CLCN3: variants seen among roughly 807,000 people sequenced by gnomAD.
The protein encoded by CLCN3 is Cl-/H+ antiporter 3, also known as H(+)/Cl(-) exchange transporter 3.
In CLCN3, 16 loss-of-function variants were observed where a neutral mutation model predicts 83.4. That is an observed-to-expected ratio of 0.19 (90% CI 0.13 to 0.29). CLCN3 has a LOEUF of 0.29. Ranked by LOEUF, CLCN3 falls within the 10% of genes least tolerant of loss-of-function variation. The probability of loss-of-function intolerance (pLI) is 1.00; values close to 1 mark genes in which losing one functional copy is unlikely to be tolerated. For missense variants in CLCN3, 544 were observed against 1,006.0 expected, an observed-to-expected ratio of 0.54 and a Z score of 6.21; for synonymous variants, 322 against 346.2, an observed-to-expected ratio of 0.93 and a Z score of 0.78.
chr4:169,630,985 T>C (rs1320397906), intron 1 of CLCN3, among the ~76,000 whole-genome samples: 2 of 152,328 alleles, frequency 1.3e-5, no homozygotes, highest in Non-Finnish European at 2.9e-5. Context: ...AGTAATGGCA[T>C]TGCTGGGTCA....
chr4:169,701,046 G>A (rs1186517879), intron 9 of CLCN3, among the ~76,000 whole-genome samples: 1 of 125,416 alleles, frequency 8.0e-6, no homozygotes, highest in Non-Finnish European at 1.7e-5. Context: ...AGATTTCTCT[G>A]TAGCATGTGA....
chr4:169,654,942 A>T (rs1009698102), intron 2 of CLCN3, among the ~76,000 whole-genome samples: 15 of 152,152 alleles, frequency 9.9e-5, no homozygotes, highest in South Asian at 2.1e-4. Flanking sequence ...TATTTTAAAA[A>T]TTTTCACTGT....
chr4:169,687,739 C>CT lies in CLCN3; in HGVS notation c.401dup (p.Thr135AsnfsTer21). 6.3e-7 allele frequency: 1 copy of CT among 1,585,888 alleles called. No individual in the cohort carries two copies. The highest frequency in any genetic ancestry group is 8.6e-7 in the Non-Finnish European group (1 of 1,163,978). On this transcript the variant is annotated frameshift_variant, in exon 4 of 13. Transcript: ENST00000513761. LOFTEE classifies it high-confidence loss of function. Reference sequence around the variant, plus strand: ...GTGGTCAGGATGGCTAGTAGTAACACTAACAGGATTGGCATCAGGTAAAGA... The same window carrying CT: ...GTGGTCAGGATGGCTAGTAGTAACACTTAACAGGATTGGCATCAGGTAAAGA...
chr4:169,704,524 T>A (rs2150264220), intron 10 of CLCN3, among the ~76,000 whole-genome samples: 1 of 152,340 alleles, frequency 6.6e-6, no homozygotes, highest in Non-Finnish European at 1.5e-5. Flanking sequence ...GATCTTGGCT[T>A]ACCTATAACA....
chr4:169,692,801 G>A (rs1732420186), intron 7 of CLCN3, among the ~76,000 whole-genome samples: 2 of 152,208 alleles, frequency 1.3e-5, no homozygotes, highest in Admixed American at 6.5e-5. Context: ...AGCTCTTGAA[G>A]TTTAAATCAG....
At chr4:169,679,018 G>A (rs13147866) in intron 2 of CLCN3, among the ~76,000 whole-genome samples, 1 of 151,576 alleles carries the variant, frequency 6.6e-6, no homozygotes, top group African/African-American at 2.4e-5. Context: ...CCTCCCAGAC[G>A]GGGCGGCTGC....
chr4:169,688,948 G>C, intron 4 of CLCN3, 95 bp from the exon 5 acceptor site: 2 of 934,008 alleles, frequency 2.1e-6, no homozygotes, highest in South Asian at 3.2e-5. Flanking sequence ...CTTTATTTAG[G>C]AGTCTCCTGC....
In CLCN3 at chr4:169,687,738, A is replaced by C; in HGVS notation, c.399A>C (p.Thr133=). The change falls in exon 4 of 13, where the codon ACA becomes ACC. Residue 133 remains threonine (T), a synonymous_variant. Coordinates refer to ENST00000513761, the MANE Select transcript of CLCN3 (RefSeq NM_001829.4). Reference sequence around the variant, plus strand: ...CGTGGTCAGGATGGCTAGTAGTAACACTAACAGGATTGGCATCAGGTAAAG... The same window carrying C: ...CGTGGTCAGGATGGCTAGTAGTAACCCTAACAGGATTGGCATCAGGTAAAG... The part of the protein sequence containing the change: ...YDAWSGWLVV[T]LTGLASGALA... The C allele has an allele frequency of 6.3e-7, 1 of 1,588,026 alleles. No homozygotes were observed. The highest frequency in any genetic ancestry group is 8.6e-7 in the Non-Finnish European group (1 of 1,165,468).
chr4:169,662,868 TAGAA>T (rs1441705276), intron 2 of CLCN3: 2 of 152,152 alleles, frequency 1.3e-5, no homozygotes, highest in African/African-American at 4.8e-5. Flanking sequence ...ATTTCCTATA[TAGAA>T]ACAATCAAGC....
chr4:169,677,177 A>G (rs945511734), intron 2 of CLCN3, among the ~76,000 whole-genome samples: 1 of 151,960 alleles, frequency 6.6e-6, no homozygotes, highest in Non-Finnish European at 1.5e-5. Context: ...CCTGGAAGTT[A>G]GGGGCAGTTT....
chr4:169,696,594 A>G (rs1732572984), intron 8 of CLCN3, among the ~76,000 whole-genome samples: 1 of 152,030 alleles, frequency 6.6e-6, no homozygotes, highest in South Asian at 2.1e-4. Flanking sequence ...AATATATAAT[A>G]CATATTATTA....
chr4:169,681,353 G>A (rs1482317009), intron 3 of CLCN3, among the ~76,000 whole-genome samples: 1 of 152,076 alleles, frequency 6.6e-6, no homozygotes, highest in Non-Finnish European at 1.5e-5. Context: ...ATCTCAAAAG[G>A]CCCTATATAA....
At chr4:169,625,635 G>A (rs1169032246) in intron 1 of CLCN3, among the ~76,000 whole-genome samples, 1 of 152,184 alleles carries the variant, frequency 6.6e-6, no homozygotes, top group African/African-American at 2.4e-5. Flanking sequence ...AGTTCTGTGA[G>A]TTGCAGGAGA....
At chr4:169,664,548 C>T (rs1158003554) in intron 2 of CLCN3, among the ~76,000 whole-genome samples, 1 of 152,120 alleles carries the variant, frequency 6.6e-6, no homozygotes, top group Non-Finnish European at 1.5e-5. Flanking sequence ...AATTAAACCT[C>T]TTCTTAAAAA....
Position 169,721,584 on chromosome 4 carries a change from T to A in CLCN3, c.*1587T>A, listed in dbSNP as rs1373852469. On this transcript the variant is annotated 3_prime_UTR_variant, in exon 13 of 13. Coordinates refer to ENST00000513761, the MANE Select transcript of CLCN3 (RefSeq NM_001829.4). ...AACAATAGAATTGCAAAGATAGCAGTTAAAATTTTAATCTGAAAATAACCT... is the reference window on the plus strand; with the variant it reads ...AACAATAGAATTGCAAAGATAGCAGATAAAATTTTAATCTGAAAATAACCT... The A allele has an allele frequency of 6.6e-6, 1 of 152,240 alleles. No homozygotes were observed. The highest frequency in any genetic ancestry group is 1.5e-5 in the Non-Finnish European group (1 of 68,036). The allele number at this position is 152,240 out of a possible 1,614,324, so 9.4% of individuals were successfully genotyped here. A position where few individuals can be genotyped will look rare whatever the true frequency, so the allele number is the denominator to read the frequency against.
At chr4:169,714,973 T>C (rs544711548) in intron 12 of CLCN3, among the ~76,000 whole-genome samples, 1 of 152,280 alleles carries the variant, frequency 6.6e-6, no homozygotes, top group African/African-American at 2.4e-5. Flanking sequence ...TTCATAAAGC[T>C]TTGCTAGTCC....
intron 3 of CLCN3, among the ~76,000 whole-genome samples, chr4:169,680,988 A>G (rs1351716577): frequency 6.6e-6 from 1 of 152,176 alleles, no homozygotes; most frequent in Non-Finnish European, 1.5e-5. Context: ...AGCTGAGACT[A>G]CAAACGTACG....
chr4:169,656,021 A>G (rs1482776911), intron 2 of CLCN3, among the ~76,000 whole-genome samples: 1 of 150,754 alleles, frequency 6.6e-6, no homozygotes, highest in Non-Finnish European at 1.5e-5. Context: ...CTTTACAACT[A>G]ATTGTGTAGT....
At chr4:169,660,348 C>A in intron 2 of CLCN3, 1 of 1,378,306 alleles carries the variant, frequency 7.3e-7, no homozygotes, top group Non-Finnish European at 9.3e-7. Flanking sequence ...TCTTTTTCTT[C>A]TTCTATTTAA....
Sources: allele counts gnomAD v4.1 joint callset (sites outside exome capture counted in the v4.1 genomes callset), GRCh38; gene constraint gnomAD v4.1.1; transcripts MANE v1.5; gene names NCBI Gene and HGNC (gene_info 2026-07-23, HGNC 2026-07-21).